The following FAM13A variants were observed in gnomAD, a reference collection of about 807,000 sequenced individuals.
The protein encoded by FAM13A is family with sequence similarity 13 member A.
A neutral mutation model predicts 129.6 loss-of-function variants in FAM13A; 76 were observed. That is an observed-to-expected ratio of 0.59 (90% CI 0.49 to 0.71). The LOEUF (loss-of-function observed/expected upper bound fraction) is 0.71. FAM13A is among the 30% of genes least tolerant of loss of function. The probability of loss-of-function intolerance (pLI) is 0.00; values close to 1 mark genes in which losing one functional copy is unlikely to be tolerated. For missense variants in FAM13A, 1,108 were observed against 1,249.3 expected (o/e 0.89, Z 1.70); for synonymous variants, 443 against 449.9 (o/e 0.98, Z 0.20).
chr4:88,875,997 C>T (rs899141792), intron 6 of FAM13A, among the ~76,000 whole-genome samples: 8 of 152,070 alleles, frequency 5.3e-5, no homozygotes, highest in Admixed American at 2.0e-4. Flanking sequence ...TCTAGGGACA[C>T]GGATGAAGCT....
At chr4:88,887,556 A>G (rs954598457) in intron 6 of FAM13A, among the ~76,000 whole-genome samples, 2 of 144,206 alleles carry the variant, frequency 1.4e-5, no homozygotes, top group Non-Finnish European at 3.0e-5. Context: ...TTTGAGACAG[A>G]GTCTCCCTCT....
chr4:88,750,334 TA>T (rs1288096229), intron 15 of FAM13A, 89 bp downstream of exon 15: 63 of 1,083,352 alleles, frequency 5.8e-5, no homozygotes, highest in Middle Eastern at 2.0e-4. Context: ...ACGACTTAAT[TA>T]AAAAAAATTA....
At chr4:89,040,238 A>G (rs1435615886) in intron 1 of FAM13A, among the ~76,000 whole-genome samples, 2 of 152,240 alleles carry the variant, frequency 1.3e-5, no homozygotes, top group African/African-American at 4.8e-5. Context: ...GCAAATATAT[A>G]CAAACATACA....
intron 5 of FAM13A, among the ~76,000 whole-genome samples, chr4:88,909,414 G>C (rs1748674720): frequency 6.6e-6 from 1 of 152,168 alleles, no homozygotes; most frequent in African/African-American, 2.4e-5. Context: ...ACAGAAAGTA[G>C]ATTGGTTATT....
At chr4:88,844,412 T>A (rs889881732) in intron 7 of FAM13A, among the ~76,000 whole-genome samples, 2 of 152,200 alleles carry the variant, frequency 1.3e-5, no homozygotes. Context: ...CTTTTCAGAA[T>A]CATGGGTTCT....
chr4:88,829,710 A>G (rs1733569416), intron 7 of FAM13A, among the ~76,000 whole-genome samples: 1 of 152,226 alleles, frequency 6.6e-6, no homozygotes. Flanking sequence ...CAATAACAGC[A>G]AAATGTCAAT....
At chr4:89,017,063 T>C (rs1795730) in intron 3 of FAM13A, among the ~76,000 whole-genome samples, 2 of 152,186 alleles carry the variant, frequency 1.3e-5, no homozygotes, top group African/African-American at 4.8e-5. Context: ...GGCTATGCCA[T>C]ATAGCCTACG....
chr4:88,909,323 G>A (rs1579225907), intron 5 of FAM13A, among the ~76,000 whole-genome samples: 1 of 152,056 alleles, frequency 6.6e-6, no homozygotes, highest in Non-Finnish European at 1.5e-5. Flanking sequence ...AACATGCTAA[G>A]TGAAATAATA....
chr4:88,939,499 A>T (rs1437534743), intron 4 of FAM13A, among the ~76,000 whole-genome samples: 2 of 152,170 alleles, frequency 1.3e-5, no homozygotes, highest in South Asian at 2.1e-4. Context: ...ATCTGCAAAG[A>T]TTCTGTTTTC....
At chr4:88,891,726 G>T (rs1745360979) in intron 6 of FAM13A, among the ~76,000 whole-genome samples, 1 of 152,190 alleles carries the variant, frequency 6.6e-6, no homozygotes, top group Non-Finnish European at 1.5e-5. Flanking sequence ...CTTAAGAGAT[G>T]CAGAAGAAAA....
At chr4:88,829,995 C>T (rs1733614599) in intron 7 of FAM13A, among the ~76,000 whole-genome samples, 1 of 152,024 alleles carries the variant, frequency 6.6e-6, no homozygotes, top group Non-Finnish European at 1.5e-5. Context: ...TTCTTCTCAC[C>T]TGAGGTTTAT....
chr4:88,940,513 A>G (rs1351636721), intron 4 of FAM13A, among the ~76,000 whole-genome samples: 1 of 152,230 alleles, frequency 6.6e-6, no homozygotes, highest in South Asian at 2.1e-4. Context: ...CATTGGGAGA[A>G]CTTATACAAA....
At chr4:89,040,280 G>A (rs1256202203) in intron 1 of FAM13A, among the ~76,000 whole-genome samples, 2 of 152,168 alleles carry the variant, frequency 1.3e-5, no homozygotes, top group East Asian at 1.9e-4. Context: ...CAAATATCAC[G>A]GAATGCTGAC....
At chr4:89,046,897 G>A (rs1770926271) in intron 1 of FAM13A, among the ~76,000 whole-genome samples, 2 of 151,568 alleles carry the variant, frequency 1.3e-5, no homozygotes, top group African/African-American at 2.4e-5. Flanking sequence ...AAACCAAAGA[G>A]TAATAAAAAT....
chr4:88,797,074 T>C (rs1310772379), intron 8 of FAM13A, among the ~76,000 whole-genome samples: 1 of 152,164 alleles, frequency 6.6e-6, no homozygotes, highest in East Asian at 1.9e-4. Flanking sequence ...GTTTCATTAC[T>C]TTCTTTGCCT....
chr4:88,732,727 CA>C (rs2149395933), intron 21 of FAM13A, among the ~76,000 whole-genome samples: 2 of 150,996 alleles, frequency 1.3e-5, no homozygotes, highest in South Asian at 4.2e-4. Flanking sequence ...GCTTAATGCA[CA>C]AAATTTTAGG....
intron 11 of FAM13A, among the ~76,000 whole-genome samples, chr4:88,773,251 C>T (rs1269524440): frequency 6.6e-6 from 1 of 152,196 alleles, no homozygotes; most frequent in Non-Finnish European, 1.5e-5. Context: ...AAACTGTCTT[C>T]ATCTTGTATT....
Position 88,747,679 on chromosome 4 carries a change from C to T in FAM13A, c.2334G>A (p.Arg778=), listed in dbSNP as rs768179703. 6.2e-7 allele frequency: 1 copy of T among 1,614,174 alleles called. No homozygotes were observed. Among genetic ancestry groups the T allele is most frequent in the Non-Finnish European group, 8.5e-7 (1 of 1,180,026 alleles). ...TTTCCGCTCGCTTCTCCTGGAGCTT[C>T]CTCTGAATAGATTCCAATGTGGCTT... ...SVEATLESIQ[R]KLQEKRAESS... Residue 778 remains arginine (R), a synonymous_variant, in exon 18 of 24, where the codon AGG becomes AGA. Transcript: ENST00000264344.
intron 6 of FAM13A, among the ~76,000 whole-genome samples, chr4:88,905,878 C>G (rs1332905830): frequency 6.6e-6 from 1 of 152,100 alleles, no homozygotes; most frequent in South Asian, 2.1e-4. Context: ...GCTTTTATAC[C>G]ACCAGATCCT....
Sources: allele counts gnomAD v4.1 joint callset (sites outside exome capture counted in the v4.1 genomes callset), GRCh38; gene constraint gnomAD v4.1.1; transcripts MANE v1.5; gene names NCBI Gene and HGNC (gene_info 2026-07-23, HGNC 2026-07-21).